USP13: variants seen among roughly 807,000 people sequenced by gnomAD.
The protein encoded by USP13 is ubiquitin specific peptidase 13.
Under a neutral mutation model 107.8 loss-of-function variants are expected in USP13, and 68 were observed. The observed-to-expected ratio is 0.63, with a 90% CI of 0.52 to 0.77. The LOEUF is 0.77. Ranked by LOEUF, USP13 falls within the 30% of genes least tolerant of loss-of-function variation. The probability of loss-of-function intolerance (pLI) is 0.00; values close to 1 mark genes in which losing one functional copy is unlikely to be tolerated. For missense variants in USP13, 945 were observed against 1,093.3 expected, an observed-to-expected ratio of 0.86 and a Z score of 1.91; for synonymous variants, 377 against 389.5, an observed-to-expected ratio of 0.97 and a Z score of 0.38.
chr3:179,665,099 A>G (rs1273897757), intron 1 of USP13, among the ~76,000 whole-genome samples: 1 of 152,160 alleles, frequency 6.6e-6, no homozygotes, highest in East Asian at 1.9e-4. Flanking sequence ...AAGAAAAAAA[A>G]AAGATTAAAA....
intron 6 of USP13, among the ~76,000 whole-genome samples, chr3:179,717,480 G>A (rs1202409069): frequency 1.3e-5 from 2 of 152,210 alleles, no homozygotes; most frequent in African/African-American, 4.8e-5. Context: ...AGCCTAATGG[G>A]TTACGAACTG....
chr3:179,713,378 T>C (rs1712995998), intron 6 of USP13, among the ~76,000 whole-genome samples: 1 of 152,266 alleles, frequency 6.6e-6, no homozygotes, highest in Admixed American at 6.5e-5. Flanking sequence ...TTTGGTTTCC[T>C]TTAAATCTGT....
intron 12 of USP13, among the ~76,000 whole-genome samples, chr3:179,744,705 A>G (rs545107731): frequency 2.6e-4 from 39 of 152,308 alleles, no homozygotes; most frequent in African/African-American, 9.1e-4. Flanking sequence ...TAATCCCAGT[A>G]TTGGCCTTTG....
intron 12 of USP13, 58 bp from the exon 13 acceptor site, chr3:179,744,985 T>A: frequency 6.3e-7 from 1 of 1,599,416 alleles, no homozygotes; most frequent in Non-Finnish European, 8.5e-7. Flanking sequence ...AAGAGGGTGC[T>A]TTTCATTTCC....
chr3:179,786,245 C>T lies in USP13; in HGVS notation c.*2104C>T, dbSNP rs980987813. On this transcript the variant is annotated 3_prime_UTR_variant, in exon 21 of 21. Transcript: ENST00000263966. ...AGTGTCATAGAATAATGACTCCAAA[C>T]CCACGTCAAAAATGGCTTGTTTTCA... 1.3e-5 allele frequency: 2 copies of T among 152,134 alleles called. No individual in the cohort carries two copies. The highest frequency in any genetic ancestry group is 4.8e-5 in the African/African-American group (2 of 41,432). The allele number at this position is 152,134 out of a possible 1,614,324, so 9.4% of individuals were successfully genotyped here. A position where few individuals can be genotyped will look rare whatever the true frequency, so the allele number is the denominator to read the frequency against.
At chr3:179,685,419 T>G (rs1430508170) in intron 2 of USP13, among the ~76,000 whole-genome samples, 2 of 152,122 alleles carry the variant, frequency 1.3e-5, no homozygotes, top group Non-Finnish European at 2.9e-5. Context: ...AGTCTCTGTT[T>G]AAGTTCCTAA....
At chr3:179,688,031 T>A (rs966223196) in intron 2 of USP13, among the ~76,000 whole-genome samples, 5 of 152,076 alleles carry the variant, frequency 3.3e-5, no homozygotes, top group Admixed American at 2.0e-4. Context: ...GATGTCTTAC[T>A]TCTATCCCCA....
Position 179,721,095 on chromosome 3 carries a change from C to T in USP13, c.901-307C>T, listed in dbSNP as rs967890968. On this transcript the variant is annotated intron_variant, in intron 7 of 20. Coordinates refer to ENST00000263966, the MANE Select transcript of USP13 (RefSeq NM_003940.3). This position sits in a 1 kb window ranked among gnomAD's most constrained non-coding sequence, Gnocchi z 4.3. The stretch of plus-strand genomic sequence containing the variant: ...AAGTGTTGGGATTACAGGTGTGAAC[C>T]GCTGCGCCCGGCCTCTCTTTAAAAT... Among the ~76,000 whole-genome samples, 3 of 152,080 alleles carry T rather than the reference C, an allele frequency of 2.0e-5. No individual in the cohort carries two copies. Among genetic ancestry groups the T allele is most frequent in the Admixed American group, 6.6e-5 (1 of 15,248 alleles).
chr3:179,730,502 G>A, intron 9 of USP13, 114 bp from the exon 10 acceptor site: 1 of 937,286 alleles, frequency 1.1e-6, no homozygotes, highest in South Asian at 1.8e-5. Context: ...GTGTAACGCA[G>A]ATCAAATGCT....
chr3:179,784,288 C>A lies in USP13; in HGVS notation c.*147C>A. 1 of 599,180 alleles carries A rather than the reference C, an allele frequency of 1.7e-6. No homozygotes were observed. The highest frequency in any genetic ancestry group is 2.9e-6 in the Non-Finnish European group (1 of 343,298). The allele number at this position is 599,180 out of a possible 1,614,324, so 37.1% of individuals were successfully genotyped here. A position where few individuals can be genotyped will look rare whatever the true frequency, so the allele number is the denominator to read the frequency against. ...ATTTAAAGAGCACGATCAGTTGACA[C>A]CTTCTGAAATAGAACTGAGAAGAAA... On this transcript the variant is annotated 3_prime_UTR_variant, in exon 21 of 21. Coordinates refer to ENST00000263966, the MANE Select transcript of USP13 (RefSeq NM_003940.3).
At chr3:179,730,326 A>G in intron 9 of USP13, 66 bp downstream of exon 9, 1 of 1,487,460 alleles carries the variant, frequency 6.7e-7, no homozygotes, top group Non-Finnish European at 9.2e-7. Flanking sequence ...CATAGTGGAT[A>G]TCTCTGGGTT....
At chr3:179,663,659 C>T (rs373930489) in intron 1 of USP13, among the ~76,000 whole-genome samples, 4 of 152,180 alleles carry the variant, frequency 2.6e-5, no homozygotes, top group Non-Finnish European at 2.9e-5. Context: ...CTCATTTGCC[C>T]GCCTTGAAAT....
intron 12 of USP13, among the ~76,000 whole-genome samples, chr3:179,743,268 G>A (rs920088984): frequency 6.6e-6 from 1 of 152,144 alleles, no homozygotes; most frequent in Non-Finnish European, 1.5e-5. Flanking sequence ...GGGGGGAAAG[G>A]GGAGAGAACT....
At chr3:179,777,234 T>A (rs371415171) in intron 19 of USP13, among the ~76,000 whole-genome samples, 1 of 152,068 alleles carries the variant, frequency 6.6e-6, no homozygotes, top group Non-Finnish European at 1.5e-5. Context: ...TGTTTGGATA[T>A]AGTGGGATGT....
chr3:179,770,044 G>A (rs1248760685), intron 19 of USP13, among the ~76,000 whole-genome samples: 2 of 152,172 alleles, frequency 1.3e-5, no homozygotes, highest in African/African-American at 4.8e-5. Context: ...ACGTTCCCCA[G>A]CAGTGCTTTT....
chr3:179,720,852 A>G (rs1229152309), intron 7 of USP13, among the ~76,000 whole-genome samples: 2 of 146,594 alleles, frequency 1.4e-5, no homozygotes, highest in South Asian at 2.1e-4. Context: ...CTTGTTGCCC[A>G]GGCTGGAGTG....
chr3:179,740,601 T>C (rs1310304251), intron 11 of USP13, among the ~76,000 whole-genome samples: 3 of 152,180 alleles, frequency 2.0e-5, no homozygotes, highest in African/African-American at 7.2e-5. Context: ...GTGCTTCTTT[T>C]AACCTGTATG....
intron 10 of USP13, among the ~76,000 whole-genome samples, chr3:179,738,109 G>T (rs1444366954): frequency 6.6e-6 from 1 of 152,182 alleles, no homozygotes; most frequent in Non-Finnish European, 1.5e-5. Context: ...ACCTCCATGA[G>T]AATTCGAGGA....
chr3:179,694,803 A>T (rs9842285), intron 3 of USP13, among the ~76,000 whole-genome samples: 2 of 8,898 alleles, frequency 2.2e-4, no homozygotes, highest in Admixed American at 4.6e-3. Flanking sequence ...CCATCTCAAA[A>T]AAAAAAAAAA....
Sources: allele counts gnomAD v4.1 joint callset (sites outside exome capture counted in the v4.1 genomes callset), GRCh38; gene constraint gnomAD v4.1.1; non-coding constraint Gnocchi (gnomAD v3.1); transcripts MANE v1.5; gene names NCBI Gene and HGNC (gene_info 2026-07-23, HGNC 2026-07-21).